NDUFA10: variants seen among roughly 807,000 people sequenced by gnomAD.
NDUFA10 encodes the protein NADH dehydrogenase [ubiquinone] 1 alpha subcomplex subunit 10, mitochondrial.
Under a neutral mutation model 47.8 loss-of-function variants are expected in NDUFA10, and 40 were observed. The observed-to-expected ratio is 0.84, with a 90% confidence interval of 0.65 to 1.09. The LOEUF is 1.09. Ranked by LOEUF, NDUFA10 falls within the 50% of genes least tolerant of loss-of-function variation. The probability of loss-of-function intolerance (pLI) is 0.00; values close to 1 mark genes in which losing one functional copy is unlikely to be tolerated. For missense variants in NDUFA10, 413 were observed against 451.1 expected (o/e 0.92, Z 0.76); for synonymous variants, 183 against 172.2 (o/e 1.06, Z -0.49).
intron 8 of NDUFA10, among the ~76,000 whole-genome samples, chr2:239,991,180 C>T (rs766502989): frequency 2.0e-5 from 3 of 152,138 alleles, no homozygotes; most frequent in Non-Finnish European, 2.9e-5. Flanking sequence ...CCAAGGCTCA[C>T]GGGATCCATG....
intron 8 of NDUFA10, among the ~76,000 whole-genome samples, chr2:239,999,804 C>T (rs547319037): frequency 1.3e-5 from 2 of 152,362 alleles, no homozygotes; most frequent in African/African-American, 2.4e-5. Context: ...GAGTGCACAA[C>T]AGAGCCTTCC....
At chr2:239,918,754 C>T (rs1335872974) in intron 4 of NDUFA10, among the ~76,000 whole-genome samples, 5 of 152,196 alleles carry the variant, frequency 3.3e-5, no homozygotes, top group African/African-American at 1.2e-4. Context: ...GCATTGGGAC[C>T]ACGCATGGTG....
chr2:239,912,033 C>T (rs1001027313), intron 4 of NDUFA10, among the ~76,000 whole-genome samples: 3 of 152,136 alleles, frequency 2.0e-5, no homozygotes, highest in African/African-American at 2.4e-5. Flanking sequence ...AGAGAGGAGG[C>T]GCAGCTTTGC....
chr2:239,955,558 C>T (rs769068209), downstream of NDUFA10, among the ~76,000 whole-genome samples: 11 of 152,320 alleles, frequency 7.2e-5, no homozygotes, highest in Non-Finnish European at 1.3e-4. Flanking sequence ...GAGCCCAGGA[C>T]ACGGGGGTTG....
At chr2:239,915,263 C>CGT (rs1693838571) in intron 4 of NDUFA10, among the ~76,000 whole-genome samples, 1 of 55,514 alleles carries the variant, frequency 1.8e-5, no homozygotes, top group Non-Finnish European at 3.4e-5. Flanking sequence ...AACACACACA[C>CGT]ATACAGACAC....
intron 4 of NDUFA10, among the ~76,000 whole-genome samples, chr2:239,952,260 G>T (rs1694568830): frequency 6.7e-6 from 1 of 149,546 alleles, no homozygotes; most frequent in East Asian, 2.0e-4. Flanking sequence ...GGCTGGCAGG[G>T]TGGGGGCCAA....
chr2:240,008,343 AC>A (rs1345922460), intron 6 of NDUFA10, among the ~76,000 whole-genome samples: 1 of 152,240 alleles, frequency 6.6e-6, no homozygotes, highest in Admixed American at 6.5e-5. Flanking sequence ...AGCAGAATGA[AC>A]AATAAATCCA....
At chr2:239,968,285 A>T (rs1305779577) in intron 9 of NDUFA10, among the ~76,000 whole-genome samples, 1 of 152,208 alleles carries the variant, frequency 6.6e-6, no homozygotes. Flanking sequence ...GGGAGGAGGC[A>T]GCAAATGCAC....
chr2:239,974,163 A>C lies in NDUFA10; in HGVS notation c.1000-12977T>G, dbSNP rs138815630. On this transcript the variant is annotated intron_variant, in intron 9 of 9. Transcript: ENST00000252711. Reference sequence around the variant, plus strand: ...AGGCTGATCTCCAACTCCTGACCTCAAGTCATCCGCCCGCCTCAACCTCCC... The same window carrying C: ...AGGCTGATCTCCAACTCCTGACCTCCAGTCATCCGCCCGCCTCAACCTCCC... Among the ~76,000 whole-genome samples the C allele has an allele frequency of 5.6e-3, 849 of 152,196 alleles. 12 individuals carry two copies. The highest frequency in any genetic ancestry group is 0.02 in the African/African-American group (814 of 41,528).
intron 4 of NDUFA10, among the ~76,000 whole-genome samples, chr2:239,951,854 T>C (rs1694559164): frequency 1.3e-5 from 2 of 152,374 alleles, no homozygotes; most frequent in South Asian, 4.1e-4. Flanking sequence ...GGCCTGGCCA[T>C]GCCCTGGGCA....
At position 239,960,119 on chromosome 2, in the gene NDUFA10, G is replaced by A. The variant is rs1219465078; in HGVS notation, c.*999C>T. 1.0e-6 allele frequency: 1 copy of A among 985,222 alleles called. No homozygotes were observed. Among genetic ancestry groups the A allele is most frequent in the Admixed American group, 6.1e-5 (1 of 16,264 alleles). The allele number at this position is 985,222 out of a possible 1,614,324, so 61.0% of individuals were successfully genotyped here. A position where few individuals can be genotyped will look rare whatever the true frequency, so the allele number is the denominator to read the frequency against. On this transcript the variant is annotated 3_prime_UTR_variant, in exon 10 of 10. Coordinates refer to ENST00000252711, the MANE Select transcript of NDUFA10 (RefSeq NM_004544.4). ...AGGAGCTACCATATTGGACACAGTG[G>A]AGCTTTACAGTGGAAAACCCACAGT...
chr2:239,919,838 T>C (rs12695008), intron 4 of NDUFA10, among the ~76,000 whole-genome samples: 118,779 of 152,194 alleles, frequency 0.78, 46,918 homozygotes, highest in African/African-American at 0.91. Context: ...TTGGAGAGAA[T>C]GCGGGGGAAG....
intron 9 of NDUFA10, among the ~76,000 whole-genome samples, chr2:239,962,869 G>A (rs147076977): frequency 8.2e-4 from 125 of 152,184 alleles, no homozygotes; most frequent in African/African-American, 2.8e-3. Flanking sequence ...AAAATGAGAG[G>A]TCGACGCGCA....
At chr2:239,947,523 A>G (rs779453260) in intron 4 of NDUFA10, among the ~76,000 whole-genome samples, 1 of 152,180 alleles carries the variant, frequency 6.6e-6, no homozygotes, top group Non-Finnish European at 1.5e-5. Flanking sequence ...ACCAGGGCCC[A>G]GTAAGCCCCG....
chr2:239,948,734 A>G (rs934586608), intron 4 of NDUFA10, among the ~76,000 whole-genome samples: 2 of 152,274 alleles, frequency 1.3e-5, no homozygotes, highest in South Asian at 4.1e-4. Context: ...TTCATCTTCC[A>G]CAAATCCAGG....
chr2:239,913,495 C>T (rs13024046), intron 4 of NDUFA10, among the ~76,000 whole-genome samples: 26,951 of 152,180 alleles, frequency 0.18, 2,913 homozygotes, highest in African/African-American at 0.3. Context: ...GGGTGGGTGG[C>T]GTGGCCTTGC....
At chr2:239,918,219 T>C (rs1693910395) in intron 4 of NDUFA10, among the ~76,000 whole-genome samples, 1 of 152,154 alleles carries the variant, frequency 6.6e-6, no homozygotes, top group Non-Finnish European at 1.5e-5. Context: ...GGCCAGCACC[T>C]GCCATGTTGC....
chr2:239,982,352 T>A, intron 9 of NDUFA10: 1 of 1,293,310 alleles, frequency 7.7e-7, no homozygotes, highest in Non-Finnish European at 1.0e-6. Context: ...ATTCTTGTCT[T>A]GATTGTATTT....
At chr2:239,899,435 G>A (rs1693496556) in intron 4 of NDUFA10, among the ~76,000 whole-genome samples, 1 of 110,834 alleles carries the variant, frequency 9.0e-6, no homozygotes, top group Non-Finnish European at 2.1e-5. Context: ...TGTGATGGAG[G>A]AATGTGGAGG....
Sources: allele counts gnomAD v4.1 joint callset (sites outside exome capture counted in the v4.1 genomes callset), GRCh38; gene constraint gnomAD v4.1.1; transcripts MANE v1.5; gene names NCBI Gene and HGNC (gene_info 2026-07-23, HGNC 2026-07-21).